PTPRA: variants seen among roughly 807,000 people sequenced by gnomAD.
PTPRA encodes protein tyrosine phosphatase receptor type A.
PTPRA carries 25 observed loss-of-function variants against 104.8 expected under a neutral mutation model. The observed-to-expected ratio is 0.24, with a 90% CI of 0.17 to 0.33. PTPRA has a LOEUF of 0.33. PTPRA is among the 10% of genes least tolerant of loss of function. The probability of loss-of-function intolerance (pLI) is 1.00; values close to 1 mark genes in which losing one functional copy is unlikely to be tolerated. For missense variants in PTPRA, 765 were observed against 1,015.3 expected (o/e 0.75, Z 3.35); for synonymous variants, 323 against 368.9 (o/e 0.88, Z 1.43).
Position 3,035,515 on chromosome 20 carries a change from G to A in PTPRA, c.1921-70G>A. 1 of 1,507,810 alleles carries A rather than the reference G, an allele frequency of 6.6e-7. No individual in the cohort carries two copies. Among genetic ancestry groups the A allele is most frequent in the Non-Finnish European group, 9.1e-7 (1 of 1,094,216 alleles). The allele number at this position is 1,507,810 out of a possible 1,614,324, so 93.4% of individuals were successfully genotyped here. A position where few individuals can be genotyped will look rare whatever the true frequency, so the allele number is the denominator to read the frequency against. ...TGGCTGTACTGAGAGGGGTCAGGCT[G>A]CTCGTGGGCAGTGCTGCTTCTACAC... On this transcript the variant is annotated intron_variant, in intron 20 of 23. Transcript: ENST00000399903. The surrounding 1 kb of genome is among the most constrained non-coding windows in gnomAD (Gnocchi z 5.8).
chr20:2,999,469 T>G (rs765289149), intron 9 of PTPRA, among the ~76,000 whole-genome samples: 1 of 152,204 alleles, frequency 6.6e-6, no homozygotes, highest in Non-Finnish European at 1.5e-5. Flanking sequence ...TTATAAAATT[T>G]TAGTAATTAA....
intron 1 of PTPRA, among the ~76,000 whole-genome samples, chr20:2,902,735 T>C (rs1417384972): frequency 5.9e-5 from 9 of 152,236 alleles, no homozygotes; most frequent in Non-Finnish European, 1.2e-4. Flanking sequence ...GAAGATTAGA[T>C]TTTAATTTGA....
At chr20:2,926,769 C>CTTTTTT (rs777386962) in intron 2 of PTPRA, among the ~76,000 whole-genome samples, 1 of 85,016 alleles carries the variant, frequency 1.2e-5, no homozygotes, top group Non-Finnish European at 2.1e-5. Flanking sequence ...TTTCCTTTTC[C>CTTTTTT]TTTTTTTTTT....
chr20:2,988,873 A>C (rs1600219067), intron 9 of PTPRA, among the ~76,000 whole-genome samples: 1 of 152,254 alleles, frequency 6.6e-6, no homozygotes, highest in Non-Finnish European at 1.5e-5. Flanking sequence ...GTGTAAGTTC[A>C]AACAGCAGTA....
chr20:3,025,603 C>G (rs1408716022), intron 17 of PTPRA, among the ~76,000 whole-genome samples: 1 of 151,968 alleles, frequency 6.6e-6, no homozygotes, highest in East Asian at 1.9e-4. Context: ...GGCACGGTGG[C>G]TAATGCCTGT....
intron 2 of PTPRA, among the ~76,000 whole-genome samples, chr20:2,940,283 G>A (rs550979286): frequency 7.3e-5 from 11 of 150,768 alleles, no homozygotes; most frequent in South Asian, 4.2e-4. Context: ...CAGTTAAGGG[G>A]TTTTCCCCCA....
At chr20:2,988,835 A>G (rs1197292046) in intron 9 of PTPRA, among the ~76,000 whole-genome samples, 1 of 152,242 alleles carries the variant, frequency 6.6e-6, no homozygotes, top group African/African-American at 2.4e-5. Flanking sequence ...CCAGGAGGGA[A>G]ACCTCACAAA....
chr20:2,973,623 T>C (rs1464532390), intron 5 of PTPRA, among the ~76,000 whole-genome samples: 1 of 152,128 alleles, frequency 6.6e-6, no homozygotes. Flanking sequence ...TTCTCACCAT[T>C]GGGTTCTAGT....
At chr20:2,889,049 A>G (rs6084189) in intron 1 of PTPRA, among the ~76,000 whole-genome samples, 23,554 of 152,176 alleles carry the variant, frequency 0.15, 2,248 homozygotes, top group South Asian at 0.31. Context: ...TTTGTTGAGC[A>G]AGTAGTGGTT....
At chr20:2,885,835 G>T (rs896953079) in intron 1 of PTPRA, among the ~76,000 whole-genome samples, 2 of 152,342 alleles carry the variant, frequency 1.3e-5, no homozygotes, top group Middle Eastern at 3.4e-3. Flanking sequence ...GGAGGCCAAG[G>T]TGGGTGGATC....
At chr20:2,904,600 C>G (rs185961514) in intron 1 of PTPRA, among the ~76,000 whole-genome samples, 3 of 133,540 alleles carry the variant, frequency 2.2e-5, no homozygotes, top group African/African-American at 5.7e-5. Flanking sequence ...ACCCAGGAGG[C>G]AGAGTTGCAG....
At chr20:3,026,585 T>C (rs2065156610) in intron 17 of PTPRA, 102 bp from the exon 18 acceptor site, 1 of 837,856 alleles carries the variant, frequency 1.2e-6, no homozygotes, top group African/African-American at 1.7e-5. Context: ...AAGAGCAGTA[T>C]GGAGCCAGAG....
At chr20:2,982,566 G>A (rs1164451493) in intron 6 of PTPRA, among the ~76,000 whole-genome samples, 6 of 151,958 alleles carry the variant, frequency 3.9e-5, no homozygotes, top group African/African-American at 1.5e-4. Flanking sequence ...TTGCTCTTGT[G>A]GAATTTATGC....
At chr20:2,919,550 A>AT (rs2060028241) in intron 1 of PTPRA, among the ~76,000 whole-genome samples, 2 of 151,952 alleles carry the variant, frequency 1.3e-5, no homozygotes, top group Non-Finnish European at 1.5e-5. Context: ...GGATCTTTTT[A>AT]TTTTTCTTTT....
chr20:2,985,084 GTC>G (rs2062845584), intron 6 of PTPRA, among the ~76,000 whole-genome samples: 1 of 152,178 alleles, frequency 6.6e-6, no homozygotes. Flanking sequence ...TGTTCCTAGT[GTC>G]TCAAACAATG....
chr20:2,891,317 A>T (rs1245988784), intron 1 of PTPRA, among the ~76,000 whole-genome samples: 1 of 152,166 alleles, frequency 6.6e-6, no homozygotes. Context: ...CCAACTTTAG[A>T]TTCTGTGAAT....
chr20:3,033,900 CA>C (rs10544314), intron 20 of PTPRA, among the ~76,000 whole-genome samples: 85,584 of 107,276 alleles, frequency 0.8, 34,137 homozygotes, highest in East Asian at 0.97. Context: ...AGCTCCATCT[CA>C]AAAAAAAAAA....
intron 6 of PTPRA, among the ~76,000 whole-genome samples, chr20:2,984,096 G>C (rs1332463258): frequency 1.3e-5 from 2 of 151,820 alleles, no homozygotes; most frequent in Non-Finnish European, 2.9e-5. Flanking sequence ...AGGAAGGAGT[G>C]ATCAGCCAGT....
upstream of PTPRA, among the ~76,000 whole-genome samples, chr20:2,869,711 AT>A (rs2089405041): frequency 6.6e-6 from 1 of 152,218 alleles, no homozygotes; most frequent in Admixed American, 6.5e-5. Context: ...CATGCCTGTA[AT>A]TCCAGCACTT....
Sources: gnomAD v4.1 joint callset for allele counts (sites outside exome capture counted in the v4.1 genomes callset) on GRCh38, gnomAD v4.1.1 for gene constraint, Gnocchi (gnomAD v3.1) non-coding constraint, MANE v1.5 for transcripts, NCBI Gene and HGNC (gene_info 2026-07-23, HGNC 2026-07-21) for gene names.